Variants in DOCK7 observed in about 807,000 individuals in gnomAD.
DOCK7 encodes dedicator of cytokinesis protein 7.
A neutral mutation model predicts 271.0 loss-of-function variants in DOCK7; 138 were observed. The ratio of observed to expected loss-of-function variants is 0.51; its 90% CI spans 0.44 to 0.59. DOCK7 has a LOEUF of 0.59. DOCK7 is among the 20% of genes least tolerant of loss of function. The pLI is 0.00. For missense variants in DOCK7, 2,066 were observed against 2,592.4 expected (o/e 0.80, Z 4.41); for synonymous variants, 823 against 876.1 (o/e 0.94, Z 1.07).
At chr1:62,485,627 A>G (rs1359001565) in intron 43 of DOCK7, 43 of 985,304 alleles carry the variant, frequency 4.4e-5, no homozygotes, top group Admixed American at 6.1e-5. Context: ...TCATCGAGTC[A>G]AAAAGAAAAA....
intron 14 of DOCK7, among the ~76,000 whole-genome samples, chr1:62,614,654 T>C (rs989420976): frequency 6.6e-6 from 1 of 152,048 alleles, no homozygotes; most frequent in Admixed American, 6.5e-5. Flanking sequence ...GCATTTAATA[T>C]GTACTGCATT....
At chr1:62,545,160 A>G (rs1645662068) in intron 22 of DOCK7, 121 bp from the exon 23 acceptor site, 1 of 853,936 alleles carries the variant, frequency 1.2e-6, no homozygotes, top group Non-Finnish European at 1.7e-6. Flanking sequence ...GTACTGTTAA[A>G]GCAACCAAAA....
intron 12 of DOCK7, among the ~76,000 whole-genome samples, chr1:62,621,110 G>A (rs1265397911): frequency 1.3e-5 from 2 of 151,878 alleles, no homozygotes; most frequent in African/African-American, 4.8e-5. Context: ...AAGGTGAGGA[G>A]GAGAAGAAGG....
At chr1:62,686,111 GTTC>G (rs1470600058) in intron 1 of DOCK7, among the ~76,000 whole-genome samples, 1 of 151,532 alleles carries the variant, frequency 6.6e-6, no homozygotes, top group Non-Finnish European at 1.5e-5. Context: ...TAAACTTCTG[GTTC>G]TAATAAGAGA....
chr1:62,657,862 A>C lies in DOCK7; in HGVS notation c.145-3703T>G, dbSNP rs556497889. On this transcript the variant is annotated intron_variant, in intron 2 of 49. Coordinates refer to ENST00000635253, the MANE Select transcript of DOCK7 (RefSeq NM_001367561.1). ...ATTATCCAATCTGAACAGCATTAAAAGAAAAACAGAGTGAAAAATCAAAAC... is the reference window on the plus strand; with the variant it reads ...ATTATCCAATCTGAACAGCATTAAACGAAAAACAGAGTGAAAAATCAAAAC... 3.3e-5 allele frequency among the ~76,000 whole-genome samples: 5 copies of C among 152,248 alleles called. No homozygotes were observed. The South Asian group carries it at 6.2e-4, about 19-fold the overall frequency.
At chr1:62,598,179 C>T (rs1481645813) in intron 14 of DOCK7, 3 of 1,000,142 alleles carry the variant, frequency 3.0e-6, no homozygotes, top group Non-Finnish European at 4.1e-6. Flanking sequence ...ACTTTTTTTT[C>T]CAAGAAAAAT....
intron 13 of DOCK7, 53 bp downstream of exon 13, chr1:62,619,847 C>T: frequency 1.7e-6 from 2 of 1,163,948 alleles, no homozygotes; most frequent in East Asian, 2.4e-5. Context: ...AGCAATACAA[C>T]ATAGTAGTGA....
rs1166858046 is a variant in DOCK7, at chr1:62,455,456, T to C, written c.6381A>G (p.Arg2127=). 17 of 1,613,296 alleles carry C rather than the reference T, an allele frequency of 1.1e-5. No individual in the cohort carries two copies. Among genetic ancestry groups the C allele is most frequent in the African/African-American group, 2.7e-5 (2 of 74,892 alleles). ...YKAVLPVTCH[R]DSFSRMSLRK... ...GAAGGCTCATTCGACTGAAGGAATCTCTGGGAAAAAAATGAGAGGACATAG... is the reference window on the plus strand; with the variant it reads ...GAAGGCTCATTCGACTGAAGGAATCCCTGGGAAAAAAATGAGAGGACATAG... Residue 2127 remains arginine (R), a splice_region_variant and synonymous_variant, in exon 50 of 50, where the codon AGA becomes AGG. Transcript: ENST00000635253.
chr1:62,482,163 A>G (rs1646145730), intron 43 of DOCK7: 1 of 152,222 alleles, frequency 6.6e-6, no homozygotes, highest in Non-Finnish European at 1.5e-5. Flanking sequence ...ACTATGTGCT[A>G]GACACTGGTT....
chr1:62,507,421 T>C (rs753380462), intron 35 of DOCK7, among the ~76,000 whole-genome samples: 11 of 152,250 alleles, frequency 7.2e-5, no homozygotes, highest in Non-Finnish European at 1.5e-4. Context: ...TTCAATGTCA[T>C]GAGTTTCTTA....
intron 18 of DOCK7, among the ~76,000 whole-genome samples, chr1:62,573,001 T>C (rs932205828): frequency 5.6e-4 from 85 of 152,194 alleles, no homozygotes; most frequent in African/African-American, 2.0e-3. Context: ...GTATATAAAT[T>C]ATTCCTACAC....
chr1:62,503,777 G>A lies in DOCK7; in HGVS notation c.4764+853C>T, dbSNP rs569932856. Among the ~76,000 whole-genome samples the A allele has an allele frequency of 1.3e-4, 20 of 152,220 alleles. No homozygotes were observed. The South Asian group carries it at 2.5e-3, about 19-fold the overall frequency. ...ACAAAAAGGCTAGCAGCCAGGCGCGGTGGCTCACTCCTGTAATCCCAGCAC... is the reference window on the plus strand; with the variant it reads ...ACAAAAAGGCTAGCAGCCAGGCGCGATGGCTCACTCCTGTAATCCCAGCAC... On this transcript the variant is annotated intron_variant, in intron 37 of 49. Coordinates refer to ENST00000635253, the MANE Select transcript of DOCK7 (RefSeq NM_001367561.1).
At chr1:62,640,764 G>A (rs1655924585) in intron 7 of DOCK7, among the ~76,000 whole-genome samples, 1 of 152,160 alleles carries the variant, frequency 6.6e-6, no homozygotes, top group Admixed American at 6.5e-5. Context: ...CAGGTGGGAA[G>A]TTAAAACAGA....
At chr1:62,520,866 A>G (rs986844336) in intron 31 of DOCK7, among the ~76,000 whole-genome samples, 1 of 152,246 alleles carries the variant, frequency 6.6e-6, no homozygotes, top group African/African-American at 2.4e-5. Context: ...ATGCCCATCA[A>G]TGATAGGCTG....
intron 1 of DOCK7, among the ~76,000 whole-genome samples, chr1:62,680,493 C>T (rs1183555107): frequency 2.0e-5 from 3 of 151,416 alleles, no homozygotes; most frequent in Admixed American, 6.6e-5. Flanking sequence ...GACTTCATGT[C>T]TAAAACACCA....
intron 1 of DOCK7, among the ~76,000 whole-genome samples, chr1:62,665,845 G>C (rs181088379): frequency 3.1e-4 from 47 of 150,946 alleles, no homozygotes; most frequent in African/African-American, 1.1e-3. Context: ...AAACTGAATA[G>C]TAAACTGCTG....
chr1:62,647,476 A>G (rs1332382758), intron 7 of DOCK7, among the ~76,000 whole-genome samples: 1 of 152,200 alleles, frequency 6.6e-6, no homozygotes, highest in Non-Finnish European at 1.5e-5. Flanking sequence ...TTTGCTACAC[A>G]GTAGGCTTAG....
At chr1:62,579,398 A>T (rs902583727) in intron 16 of DOCK7, among the ~76,000 whole-genome samples, 1 of 152,120 alleles carries the variant, frequency 6.6e-6, no homozygotes, top group Non-Finnish European at 1.5e-5. Context: ...TTGTAAAAAA[A>T]TGGGAAAAAA....
intron 12 of DOCK7, among the ~76,000 whole-genome samples, chr1:62,624,077 G>A (rs989879475): frequency 6.6e-6 from 1 of 152,050 alleles, no homozygotes; most frequent in African/African-American, 2.4e-5. Context: ...AGTTTGTTAC[G>A]CTAATACAAA....
Sources: gnomAD v4.1 joint callset for allele counts (sites outside exome capture counted in the v4.1 genomes callset) on GRCh38, gnomAD v4.1.1 for gene constraint, MANE v1.5 for transcripts, NCBI Gene and HGNC (gene_info 2026-07-23, HGNC 2026-07-21) for gene names.